Variants in PINX1 observed in about 807,000 individuals in gnomAD.
PINX1 encodes PIN2 (TERF1) interacting telomerase inhibitor 1.
Under a neutral mutation model 25.4 loss-of-function variants are expected in PINX1, and 34 were observed. The ratio of observed to expected loss-of-function variants is 1.34; its 90% confidence interval spans 1.02 to 1.78. The LOEUF (loss-of-function observed/expected upper bound fraction) is 1.78. Ranked by LOEUF, PINX1 falls within the 40% of genes most tolerant of loss-of-function variation. PINX1 has a pLI of 0.00. For missense variants in PINX1, 592 were observed against 404.9 expected, an observed-to-expected ratio of 1.46 and a Z score of -3.97; for synonymous variants, 197 against 147.7, an observed-to-expected ratio of 1.33 and a Z score of -2.42.
intron 6 of PINX1, among the ~76,000 whole-genome samples, chr8:10,791,365 CA>C (rs1801917049): frequency 6.6e-6 from 1 of 152,184 alleles, no homozygotes; most frequent in Non-Finnish European, 1.5e-5. Context: ...TGGAAGCACA[CA>C]TCGCAAATGC....
At chr8:10,818,283 A>G (rs1037246359) in intron 6 of PINX1, among the ~76,000 whole-genome samples, 1 of 152,232 alleles carries the variant, frequency 6.6e-6, no homozygotes, top group African/African-American at 2.4e-5. Flanking sequence ...TGGGGCTAGC[A>G]TTAGGGAACT....
intron 1 of PINX1, among the ~76,000 whole-genome samples, chr8:10,838,595 C>G (rs1798476391): frequency 6.6e-6 from 1 of 152,194 alleles, no homozygotes. Flanking sequence ...CAAGTGCATG[C>G]TGAATTAAGC....
At position 10,783,292 on chromosome 8, in the gene PINX1, T is replaced by G. The variant is rs185174265; in HGVS notation, c.472-17376A>C. Among the ~76,000 whole-genome samples, 5 of 152,300 alleles carry G rather than the reference T, an allele frequency of 3.3e-5. No individual in the cohort carries two copies. In the East Asian group the frequency reaches 9.6e-4, roughly 29 times the overall value. On this transcript the variant is annotated intron_variant, in intron 6 of 6. Transcript: ENST00000314787. ...TAACCTTTAGAGATAAATACTCAAG[T>G]ACTAAAATACCTGTGGATGAAATAG...
At chr8:10,782,504 G>A (rs1268481879) in intron 6 of PINX1, among the ~76,000 whole-genome samples, 1 of 152,114 alleles carries the variant, frequency 6.6e-6, no homozygotes, top group Non-Finnish European at 1.5e-5. Flanking sequence ...GGGAGGCCAA[G>A]GCAGGCGGAT....
chr8:10,770,188 T>C (rs1431959105), intron 6 of PINX1, among the ~76,000 whole-genome samples: 1 of 152,226 alleles, frequency 6.6e-6, no homozygotes, highest in African/African-American at 2.4e-5. Context: ...AGCTTCCACC[T>C]GGACACTGCC....
intron 6 of PINX1, among the ~76,000 whole-genome samples, chr8:10,815,009 A>AGCTC (rs150390794): frequency 1.9e-3 from 288 of 152,270 alleles, no homozygotes; most frequent in Non-Finnish European, 3.2e-3. Flanking sequence ...GCGTGATGAT[A>AGCTC]GCTCACTGCA....
intron 6 of PINX1, among the ~76,000 whole-genome samples, chr8:10,786,993 C>G (rs1453514212): frequency 3.3e-5 from 5 of 152,138 alleles, no homozygotes; most frequent in Admixed American, 2.6e-4. Context: ...GGAACAATTA[C>G]TGTGTGTGTG....
In PINX1 at chr8:10,765,378, G is replaced by A. The variant is rs1469410897; in HGVS notation, c.*23C>T. ...GCAGTGCCCTGACAGCTGAGTGGTC[G>A]GAAGGCCCCGGCTGGGAAGGATTCA... On this transcript the variant is annotated 3_prime_UTR_variant, in exon 7 of 7. Transcript: ENST00000314787. 1.6e-5 allele frequency: 25 copies of A among 1,561,396 alleles called. No homozygotes were observed. In the East Asian group the frequency reaches 2.9e-4, roughly 18 times the overall value.
At chr8:10,826,363 T>G in intron 4 of PINX1, 119 bp from the exon 5 acceptor site, 1 of 572,032 alleles carries the variant, frequency 1.7e-6, no homozygotes, top group East Asian at 3.0e-5. Context: ...GATTGAACTC[T>G]TTCATTCATT....
At chr8:10,822,068 G>C (rs970299304) in intron 5 of PINX1, 3 of 152,222 alleles carry the variant, frequency 2.0e-5, no homozygotes, top group Admixed American at 6.5e-5. Flanking sequence ...CTTTAGCAAA[G>C]TTCACTTAAG....
chr8:10,827,780 G>A lies in PINX1; in HGVS notation c.302-1536C>T, dbSNP rs376319726. 5.5e-3 allele frequency among the ~76,000 whole-genome samples: 834 copies of A among 151,386 alleles called. 6 individuals carry two copies. Among genetic ancestry groups the A allele is most frequent in the African/African-American group, 0.019 (787 of 41,258 alleles). On this transcript the variant is annotated intron_variant, in intron 4 of 6. Coordinates refer to ENST00000314787, the MANE Select transcript of PINX1 (RefSeq NM_017884.6). ...AAAAAAATTAGCCGGGCGTGGTGGCGGGCACCTGTAGTCCCAGCTACTCAG... is the reference window on the plus strand; with the variant it reads ...AAAAAAATTAGCCGGGCGTGGTGGCAGGCACCTGTAGTCCCAGCTACTCAG...
At chr8:10,802,124 C>T (rs770778273) in intron 6 of PINX1, among the ~76,000 whole-genome samples, 17 of 151,654 alleles carry the variant, frequency 1.1e-4, no homozygotes, top group Non-Finnish European at 2.2e-4. Flanking sequence ...GTTTGGGGGA[C>T]GGAAGAGCAA....
chr8:10,826,141 C>T lies in PINX1; in HGVS notation c.394+11G>A, dbSNP rs776152051. The T allele has an allele frequency of 1.4e-6, 2 of 1,447,232 alleles. No homozygotes were observed. Among genetic ancestry groups the T allele is most frequent in the Admixed American group, 3.8e-5 (2 of 52,740 alleles). The allele number at this position is 1,447,232 out of a possible 1,614,324, so 89.6% of individuals were successfully genotyped here. On this transcript the variant is annotated intron_variant, in intron 5 of 6. Coordinates refer to ENST00000314787, the MANE Select transcript of PINX1 (RefSeq NM_017884.6). The stretch of plus-strand genomic sequence containing the variant: ...GATTTCAATAACAAGTAAAGAAATG[C>T]TTAATCTTACCTTTTGTGAATTTCA...
intron 6 of PINX1, among the ~76,000 whole-genome samples, chr8:10,782,970 A>T (rs1163469031): frequency 6.6e-6 from 1 of 152,222 alleles, no homozygotes; most frequent in Non-Finnish European, 1.5e-5. Flanking sequence ...ACTGTTCCTC[A>T]GAGTAATCTA....
chr8:10,782,235 A>G (rs975246200), intron 6 of PINX1, among the ~76,000 whole-genome samples: 6 of 151,974 alleles, frequency 3.9e-5, no homozygotes, highest in African/African-American at 1.2e-4. Context: ...AGGTCCCCAC[A>G]CTGTACCTTA....
intron 6 of PINX1, among the ~76,000 whole-genome samples, chr8:10,775,846 G>C (rs1440081914): frequency 6.6e-6 from 1 of 152,106 alleles, no homozygotes; most frequent in Admixed American, 6.5e-5. Flanking sequence ...TTTCAACATA[G>C]TTTTTTCACA....
intron 6 of PINX1, among the ~76,000 whole-genome samples, chr8:10,812,055 T>A (rs114304158): frequency 0.012 from 1,885 of 152,234 alleles, 59 homozygotes; most frequent in African/African-American, 0.043. Context: ...CAGATAAAAT[T>A]GGAACACCCT....
chr8:10,822,278 C>T (rs1010947641), intron 5 of PINX1, among the ~76,000 whole-genome samples: 5 of 152,078 alleles, frequency 3.3e-5, no homozygotes, highest in African/African-American at 4.8e-5. Context: ...AAATTATGGC[C>T]GCTTTTGAAT....
At chr8:10,807,905 T>C (rs1431926418) in intron 6 of PINX1, among the ~76,000 whole-genome samples, 1 of 152,114 alleles carries the variant, frequency 6.6e-6, no homozygotes, top group Admixed American at 6.5e-5. Flanking sequence ...GGTGGAAATC[T>C]TAAGAGAGAG....
Sources: allele counts gnomAD v4.1 joint callset (sites outside exome capture counted in the v4.1 genomes callset), GRCh38; gene constraint gnomAD v4.1.1; transcripts MANE v1.5; gene names NCBI Gene and HGNC (gene_info 2026-07-23, HGNC 2026-07-21).